Variants in UNC13C observed in about 807,000 individuals in gnomAD.
UNC13C encodes the protein unc-13 homolog C, also known as protein unc-13 homolog C.
Under a neutral mutation model 245.4 loss-of-function variants are expected in UNC13C, and 174 were observed. The ratio of observed to expected loss-of-function variants is 0.71; its 90% CI spans 0.63 to 0.80. The LOEUF (loss-of-function observed/expected upper bound fraction) is 0.80. UNC13C is among the 30% of genes least tolerant of loss of function. UNC13C has a pLI of 0.00. For missense variants in UNC13C, 2,829 were observed against 2,602.9 expected (o/e 1.09, Z -1.89); for synonymous variants, 992 against 895.1 (o/e 1.11, Z -1.93).
the UNC13C span, among the ~76,000 whole-genome samples, chr15:53,919,816 A>G: frequency 2.6e-5 from 4 of 152,210 alleles, no homozygotes; most frequent in African/African-American, 9.7e-5. Context: ...AGGTATCTAA[A>G]GTTTTGGTTA....
chr15:54,344,935 T>C (rs996532903), intron 17 of UNC13C, among the ~76,000 whole-genome samples: 19 of 140,270 alleles, frequency 1.4e-4, no homozygotes, highest in Non-Finnish European at 4.8e-5. Context: ...ATGTCTGTTC[T>C]CAACAGAGCA....
At chr15:54,141,199 A>C (rs985444691) in intron 2 of UNC13C, among the ~76,000 whole-genome samples, 1 of 152,170 alleles carries the variant, frequency 6.6e-6, no homozygotes, top group Non-Finnish European at 1.5e-5. Context: ...TGGGTTGACT[A>C]TATAGTTACT....
In UNC13C at chr15:54,304,456, G is replaced by A. The variant is rs577413089; in HGVS notation, c.4268+4083G>A. 2.6e-5 allele frequency among the ~76,000 whole-genome samples: 4 copies of A among 151,856 alleles called. No homozygotes were observed. In the South Asian group the frequency reaches 8.3e-4, roughly 32 times the overall value. ...TAGCACTGAATACTTATCATGACAA[G>A]CCTAACATTTTTCCCAGCTTAGCAA... On this transcript the variant is annotated intron_variant, in intron 13 of 32. Coordinates refer to ENST00000260323, the MANE Select transcript of UNC13C (RefSeq NM_001080534.3).
At chr15:53,914,893 G>A in the UNC13C span, among the ~76,000 whole-genome samples, 1 of 152,014 alleles carries the variant, frequency 6.6e-6, no homozygotes, top group Admixed American at 6.5e-5. Context: ...GTGTGTGTAT[G>A]TATACATATA....
At chr15:53,846,877 C>T in the UNC13C span, among the ~76,000 whole-genome samples, 1 of 152,126 alleles carries the variant, frequency 6.6e-6, no homozygotes, top group Admixed American at 6.6e-5. Flanking sequence ...AGAGATGTCT[C>T]AGAACACCTC....
At chr15:53,954,216 C>G in the UNC13C span, among the ~76,000 whole-genome samples, 1 of 152,176 alleles carries the variant, frequency 6.6e-6, no homozygotes, top group Non-Finnish European at 1.5e-5. Flanking sequence ...TGTTTTCCTG[C>G]TGCATTCTTA....
intron 19 of UNC13C, among the ~76,000 whole-genome samples, chr15:54,430,249 G>A (rs1295823514): frequency 6.6e-6 from 1 of 151,592 alleles, no homozygotes; most frequent in Non-Finnish European, 1.5e-5. Context: ...CGGTGATAAA[G>A]CATTTTTACA....
At chr15:54,455,205 CTATA>C (rs1214014395) in intron 19 of UNC13C, among the ~76,000 whole-genome samples, 426 of 18,890 alleles carry the variant, frequency 0.023, 24 homozygotes, top group African/African-American at 0.026. Flanking sequence ...CTCTCTCTCT[CTATA>C]TATATATATA....
At chr15:54,489,067 A>G (rs1767702316) in intron 19 of UNC13C, among the ~76,000 whole-genome samples, 1 of 152,174 alleles carries the variant, frequency 6.6e-6, no homozygotes, top group Non-Finnish European at 1.5e-5. Context: ...TTTGGTAGGC[A>G]TTAGTTAGGA....
At chr15:54,394,891 G>C (rs1424857739) in intron 18 of UNC13C, among the ~76,000 whole-genome samples, 7 of 151,756 alleles carry the variant, frequency 4.6e-5, no homozygotes, top group Non-Finnish European at 7.4e-5. Context: ...AAAGAAACTG[G>C]AATAAATACG....
chr15:54,084,730 C>T (rs1899142881), intron 2 of UNC13C, among the ~76,000 whole-genome samples: 1 of 152,106 alleles, frequency 6.6e-6, no homozygotes. Flanking sequence ...ACAAATATTA[C>T]TGCTAGTTGA....
chr15:54,446,254 T>C (rs116535938), intron 19 of UNC13C, among the ~76,000 whole-genome samples: 21,711 of 152,250 alleles, frequency 0.14, 1,592 homozygotes, highest in Non-Finnish European at 0.17. Context: ...TCTTTTTACT[T>C]AGAATTGACT....
chr15:54,407,939 C>T (rs148963027), intron 18 of UNC13C, among the ~76,000 whole-genome samples: 232 of 152,108 alleles, frequency 1.5e-3, no homozygotes, highest in African/African-American at 4.6e-3. Flanking sequence ...CGGTGGCTCA[C>T]ACCTGTAATC....
At chr15:54,072,489 T>C (rs1898375940) in intron 2 of UNC13C, among the ~76,000 whole-genome samples, 1 of 152,130 alleles carries the variant, frequency 6.6e-6, no homozygotes, top group South Asian at 2.1e-4. Context: ...GAGGGGAAAA[T>C]TGCGCACATC....
the UNC13C span, among the ~76,000 whole-genome samples, chr15:53,926,479 A>G: frequency 1.3e-5 from 2 of 152,184 alleles, no homozygotes; most frequent in African/African-American, 4.8e-5. Context: ...AATACTATTG[A>G]GAGGGGAAGG....
intron 30 of UNC13C, among the ~76,000 whole-genome samples, chr15:54,604,190 G>A (rs967234832): frequency 6.6e-6 from 1 of 152,062 alleles, no homozygotes; most frequent in African/African-American, 2.4e-5. Context: ...TCCTAGCATT[G>A]TGTATATCAC....
At chr15:54,039,424 T>C (rs1438084565) in intron 2 of UNC13C, among the ~76,000 whole-genome samples, 1 of 152,212 alleles carries the variant, frequency 6.6e-6, no homozygotes, top group Non-Finnish European at 1.5e-5. Context: ...TGGTGTTGCA[T>C]ATCCCTTGGG....
At chr15:54,133,281 C>T (rs144560066) in intron 2 of UNC13C, among the ~76,000 whole-genome samples, 2 of 152,118 alleles carry the variant, frequency 1.3e-5, no homozygotes, top group Non-Finnish European at 1.5e-5. Flanking sequence ...TGGGGATGCT[C>T]ACACAAGAAC....
intron 2 of UNC13C, among the ~76,000 whole-genome samples, chr15:54,108,214 T>C (rs1595864895): frequency 6.6e-6 from 1 of 151,800 alleles, no homozygotes; most frequent in South Asian, 2.1e-4. Flanking sequence ...TGAAACAGAG[T>C]CTCGCTCTGT....
Sources: gnomAD v4.1 joint callset for allele counts (sites outside exome capture counted in the v4.1 genomes callset) on GRCh38, gnomAD v4.1.1 for gene constraint, MANE v1.5 for transcripts, NCBI Gene and HGNC (gene_info 2026-07-23, HGNC 2026-07-21) for gene names.